The following DDC variants were observed in gnomAD, a reference collection of about 807,000 sequenced individuals.
DDC encodes aromatic-L-amino-acid decarboxylase.
DDC carries 43 observed loss-of-function variants against 60.0 expected under a neutral mutation model. That is an observed-to-expected ratio of 0.72 (90% CI 0.56 to 0.92). DDC has a LOEUF of 0.92. Ranked by LOEUF, DDC falls within the 40% of genes least tolerant of loss-of-function variation. The pLI is 0.00. For missense variants in DDC, 573 were observed against 620.2 expected (o/e 0.92, Z 0.81); for synonymous variants, 232 against 234.6 (o/e 0.99, Z 0.10).
chr7:50,515,225 C>T (rs1007552370), intron 6 of DDC, among the ~76,000 whole-genome samples: 3 of 152,230 alleles, frequency 2.0e-5, no homozygotes, highest in Non-Finnish European at 4.4e-5. Context: ...AGAAACCCTA[C>T]AAGCCAGAAG....
At chr7:50,478,730 A>G (rs2042703057) in intron 10 of DDC, among the ~76,000 whole-genome samples, 1 of 152,236 alleles carries the variant, frequency 6.6e-6, no homozygotes, top group African/African-American at 2.4e-5. Flanking sequence ...AATAGGTCTT[A>G]TGTGCCTCAT....
chr7:50,546,049 A>G (rs1330453910), intron 1 of DDC, among the ~76,000 whole-genome samples: 2 of 152,196 alleles, frequency 1.3e-5, no homozygotes, highest in Non-Finnish European at 1.5e-5. Context: ...TAGGATTCAA[A>G]TTTATAGCTG....
At chr7:50,493,145 G>C (rs1371229004) in intron 9 of DDC, 1 of 726,976 alleles carries the variant, frequency 1.4e-6, no homozygotes, top group Non-Finnish European at 2.4e-6. Context: ...CAATGTCTGT[G>C]TCCCTCAACA....
chr7:50,477,426 C>G (rs1362294201), intron 10 of DDC, among the ~76,000 whole-genome samples: 1 of 152,194 alleles, frequency 6.6e-6, no homozygotes. Context: ...CGAATGTGGG[C>G]TGGACCAGGC....
chr7:50,537,040 T>TTTTG (rs1329344988), intron 4 of DDC, among the ~76,000 whole-genome samples: 2 of 19,610 alleles, frequency 1.0e-4, no homozygotes, highest in Non-Finnish European at 4.4e-4. Flanking sequence ...GGAAGTTGTT[T>TTTTG]TTTTTTTTTT....
At chr7:50,529,141 T>G in intron 5 of DDC, 67 bp downstream of exon 5, 1 of 1,605,954 alleles carries the variant, frequency 6.2e-7, no homozygotes, top group Non-Finnish European at 8.5e-7. Flanking sequence ...TGGTTTGGTT[T>G]GAATTTGACA....
At chr7:50,479,278 G>A (rs1438537666) in intron 10 of DDC, among the ~76,000 whole-genome samples, 1 of 152,198 alleles carries the variant, frequency 6.6e-6, no homozygotes, top group South Asian at 2.1e-4. Context: ...CAGGCACAGA[G>A]AGCAGGCCTA....
At chr7:50,494,588 C>T (rs545958493) in intron 9 of DDC, among the ~76,000 whole-genome samples, 1 of 148,868 alleles carries the variant, frequency 6.7e-6, no homozygotes, top group Non-Finnish European at 1.5e-5. Flanking sequence ...GAGACACTGT[C>T]TCGAAAAAAA....
intron 3 of DDC, among the ~76,000 whole-genome samples, chr7:50,538,442 C>T (rs943954156): frequency 7.2e-5 from 11 of 152,304 alleles, no homozygotes; most frequent in Admixed American, 6.5e-4. Flanking sequence ...TGAGCCCCAT[C>T]CAAAGGTGGA....
chr7:50,494,871 C>T (rs1017969852), intron 9 of DDC, among the ~76,000 whole-genome samples: 1 of 151,984 alleles, frequency 6.6e-6, no homozygotes, highest in African/African-American at 2.4e-5. Context: ...CCATGTTGGC[C>T]AGGCTGGTCT....
chr7:50,547,835 C>T (rs73123285), intron 1 of DDC, among the ~76,000 whole-genome samples: 15,837 of 152,194 alleles, frequency 0.1, 1,066 homozygotes, highest in South Asian at 0.15. Context: ...CAACAAAAAT[C>T]GTGACAATAA....
intron 9 of DDC, among the ~76,000 whole-genome samples, chr7:50,484,819 T>C (rs964629083): frequency 2.0e-5 from 3 of 152,174 alleles, no homozygotes; most frequent in African/African-American, 7.2e-5. Context: ...GCCTGGCTCC[T>C]TACGTTTTCT....
At chr7:50,504,637 T>G (rs2043343292) in intron 6 of DDC, among the ~76,000 whole-genome samples, 1 of 152,014 alleles carries the variant, frequency 6.6e-6, no homozygotes, top group Non-Finnish European at 1.5e-5. Flanking sequence ...ATATAGAGAA[T>G]GTAAGAACAT....
intron 6 of DDC, among the ~76,000 whole-genome samples, chr7:50,518,211 CAA>C (rs58099021): frequency 6.4e-5 from 8 of 125,634 alleles, no homozygotes; most frequent in Non-Finnish European, 8.1e-5. Flanking sequence ...GACTCCATCT[CAA>C]AAAAAAAAAA....
intron 1 of DDC, among the ~76,000 whole-genome samples, chr7:50,548,016 A>G (rs2153551693): frequency 6.6e-6 from 1 of 152,292 alleles, no homozygotes; most frequent in South Asian, 2.1e-4. Context: ...CATTATTATT[A>G]ATCTGTTATA....
chr7:50,561,510 A>G (rs1433199167), intron 1 of DDC, among the ~76,000 whole-genome samples: 1 of 152,138 alleles, frequency 6.6e-6, no homozygotes, highest in African/African-American at 2.4e-5. Context: ...ACTTCCCCAG[A>G]TGAGAAAGTG....
chr7:50,537,712 C>T, intron 4 of DDC, 148 bp downstream of exon 4: 1 of 1,053,350 alleles, frequency 9.5e-7, no homozygotes, highest in Non-Finnish European at 1.5e-6. Context: ...CCAAAGCCAG[C>T]ATTTTCCCAA....
intron 9 of DDC, chr7:50,492,782 G>A: frequency 6.9e-7 from 1 of 1,456,258 alleles, no homozygotes; most frequent in Non-Finnish European, 9.1e-7. Flanking sequence ...TCCCCTCACA[G>A]GCTGGTGGCT....
At chr7:50,484,784 A>G (rs542368077) in intron 9 of DDC, among the ~76,000 whole-genome samples, 7 of 152,268 alleles carry the variant, frequency 4.6e-5, no homozygotes, top group African/African-American at 1.7e-4. Flanking sequence ...GGGATCAGGA[A>G]AAGGACCCTT....
Sources: allele counts gnomAD v4.1 joint callset (sites outside exome capture counted in the v4.1 genomes callset), GRCh38; gene constraint gnomAD v4.1.1; transcripts MANE v1.5; gene names NCBI Gene and HGNC (gene_info 2026-07-23, HGNC 2026-07-21).